The following HERC4 variants were observed in gnomAD, a reference collection of about 807,000 sequenced individuals.
The protein encoded by HERC4 is HECT and RLD domain containing E3 ubiquitin protein ligase 4, also known as probable E3 ubiquitin-protein ligase HERC4.
Under a neutral mutation model 124.3 loss-of-function variants are expected in HERC4, and 28 were observed. The ratio of observed to expected loss-of-function variants is 0.23; its 90% confidence interval spans 0.17 to 0.31. The LOEUF is 0.31. Among genes scored for constraint, HERC4 ranks in the 10% least tolerant of loss-of-function variants. HERC4 has a pLI of 1.00. For missense variants in HERC4, 713 were observed against 1,229.3 expected, an observed-to-expected ratio of 0.58 and a Z score of 6.28; for synonymous variants, 407 against 421.5, an observed-to-expected ratio of 0.97 and a Z score of 0.42.
chr10:67,974,247 T>C (rs994579795), intron 15 of HERC4, among the ~76,000 whole-genome samples: 1 of 151,840 alleles, frequency 6.6e-6, no homozygotes, highest in Admixed American at 6.6e-5. Context: ...AGGAGACAAC[T>C]ATAAGCTGTG....
chr10:67,968,625 T>C (rs2035042781), intron 15 of HERC4, among the ~76,000 whole-genome samples: 1 of 152,106 alleles, frequency 6.6e-6, no homozygotes, highest in Non-Finnish European at 1.5e-5. Flanking sequence ...TCTGCCCACC[T>C]TGGCCTCCCA....
In HERC4 at chr10:68,034,155, T is replaced by C. The variant is rs1211528378; in HGVS notation, c.495A>G (p.Lys165=). The C allele has an allele frequency of 6.2e-7, 1 of 1,614,002 alleles. No individual in the cohort carries two copies. Among genetic ancestry groups the C allele is most frequent in the East Asian group, 2.2e-5 (1 of 44,878 alleles). Reference sequence around the variant, plus strand: ...CAGTACCTAAACCCAATTGGCCATATTTATTCTGTCCCCAACAGAAGACTT... The same window carrying C: ...CAGTACCTAAACCCAATTGGCCATACTTATTCTGTCCCCAACAGAAGACTT... The part of the protein sequence containing the change: ...ASEVFCWGQN[K]YGQLGLGTDC... Residue 165 remains lysine (K), a synonymous_variant, in exon 6 of 25, where the codon AAA becomes AAG. Coordinates refer to ENST00000373700, the MANE Select transcript of HERC4 (RefSeq NM_015601.4).
chr10:67,960,416 G>A (rs895138918), intron 16 of HERC4, among the ~76,000 whole-genome samples: 5 of 151,838 alleles, frequency 3.3e-5, no homozygotes, highest in Middle Eastern at 3.4e-3. Context: ...ACGGAGCTTC[G>A]ATCTTGTTGC....
chr10:68,009,625 T>C (rs1436695551), intron 9 of HERC4, among the ~76,000 whole-genome samples: 3 of 152,080 alleles, frequency 2.0e-5, no homozygotes, highest in Admixed American at 6.6e-5. Flanking sequence ...AAGGCTGGGG[T>C]AGCTGTGGCA....
intron 15 of HERC4, among the ~76,000 whole-genome samples, chr10:67,972,577 AAAT>A (rs1217928542): frequency 6.6e-6 from 1 of 151,738 alleles, no homozygotes; most frequent in East Asian, 1.9e-4. Flanking sequence ...TACTAGCAAC[AAAT>A]AATTGGAAAA....
chr10:67,943,766 C>G (rs2033107805), intron 19 of HERC4, among the ~76,000 whole-genome samples: 1 of 152,144 alleles, frequency 6.6e-6, no homozygotes, highest in African/African-American at 2.4e-5. Flanking sequence ...ACACAGACAC[C>G]CAGGGTTACA....
chr10:67,922,396 T>TTATA lies in HERC4; in HGVS notation c.*534_*535insTATA, dbSNP rs2030307944. 1 of 152,172 alleles carries TTATA rather than the reference T, an allele frequency of 6.6e-6. No homozygotes were observed. The highest frequency in any genetic ancestry group is 1.5e-5 in the Non-Finnish European group (1 of 68,016). 9.4% of individuals were successfully genotyped at this position (152,172 alleles called of 1,614,324 possible). ...TTCCACCATGCTACCTTTTTTTTCT[T>TTATA]TTTATAGAGTCTCAGAGTAAGATTT... On this transcript the variant is annotated 3_prime_UTR_variant, in exon 25 of 25. Coordinates refer to ENST00000373700, the MANE Select transcript of HERC4 (RefSeq NM_015601.4).
At chr10:68,069,735 C>A in intron 3 of HERC4, 2 of 985,448 alleles carry the variant, frequency 2.0e-6, no homozygotes, top group Non-Finnish European at 2.4e-6. Flanking sequence ...TGCTTTCTGA[C>A]ACAAGTTTAA....
intron 4 of HERC4, chr10:68,039,329 AAAAAAG>A: frequency 1.4e-6 from 2 of 1,475,436 alleles, no homozygotes; most frequent in Middle Eastern, 1.9e-4. Flanking sequence ...AAAAAAAAAA[AAAAAAG>A]AAAGAAAGAA....
In HERC4 at chr10:67,936,238, A is replaced by G. The variant is rs776710805; in HGVS notation, c.2572-3T>C. 1.5e-5 allele frequency: 24 copies of G among 1,560,216 alleles called. No homozygotes were observed. In the South Asian group the frequency reaches 2.7e-4, roughly 17 times the overall value. ...GCACCAAAGTTTTCAACTGTGATCT[A>G]TTAATTTAAATTTTTAAAAAAAGTC... On this transcript the variant is annotated splice_region_variant and splice_polypyrimidine_tract_variant and intron_variant, in intron 21 of 24. Coordinates refer to ENST00000373700, the MANE Select transcript of HERC4 (RefSeq NM_015601.4).
In HERC4 at chr10:67,993,728, A is replaced by T. The variant is rs908279911; in HGVS notation, c.1070-1046T>A. On this transcript the variant is annotated intron_variant, in intron 9 of 24. Coordinates refer to ENST00000373700, the MANE Select transcript of HERC4 (RefSeq NM_015601.4). ...TAATAAGCAAATTTATTAGGAATAA[A>T]GAAAGGGCAACAAAGTTTCTTTTGA... is the stretch of plus-strand genomic sequence containing the variant. 2.0e-5 allele frequency: 3 copies of T among 152,204 alleles called. No individual in the cohort carries two copies. The East Asian group carries it at 5.8e-4, about 29-fold the overall frequency. 9.4% of individuals were successfully genotyped at this position (152,204 alleles called of 1,614,324 possible). A position where few individuals can be genotyped will look rare whatever the true frequency, so the allele number is the denominator to read the frequency against.
At chr10:67,941,949 C>G (rs1215921866) in intron 19 of HERC4, among the ~76,000 whole-genome samples, 1 of 152,054 alleles carries the variant, frequency 6.6e-6, no homozygotes, top group Non-Finnish European at 1.5e-5. Context: ...AGCCACCGTG[C>G]CTGGCCAAAA....
At chr10:68,024,446 T>G (rs191935672) in intron 8 of HERC4, among the ~76,000 whole-genome samples, 2 of 152,114 alleles carry the variant, frequency 1.3e-5, no homozygotes, top group African/African-American at 4.8e-5. Flanking sequence ...TACCATATAA[T>G]AAAAGTGCAA....
At chr10:68,055,074 C>T (rs2040486215) in intron 3 of HERC4, among the ~76,000 whole-genome samples, 1 of 152,118 alleles carries the variant, frequency 6.6e-6, no homozygotes, top group African/African-American at 2.4e-5. Flanking sequence ...ACAAGTGTGC[C>T]GCCATACCTG....
intron 19 of HERC4, among the ~76,000 whole-genome samples, chr10:67,951,554 T>C (rs1589162859): frequency 6.6e-6 from 1 of 152,218 alleles, no homozygotes; most frequent in African/African-American, 2.4e-5. Flanking sequence ...GCTTGTATCC[T>C]AAACTCCAAA....
chr10:67,992,437 C>A, intron 10 of HERC4, 114 bp from the exon 11 acceptor site: 2 of 1,378,804 alleles, frequency 1.5e-6, no homozygotes, highest in Non-Finnish European at 2.0e-6. Flanking sequence ...CTCCTGAACA[C>A]CTGAAACAAA....
intron 15 of HERC4, among the ~76,000 whole-genome samples, chr10:67,967,097 G>C (rs1186988020): frequency 6.6e-6 from 1 of 152,166 alleles, no homozygotes; most frequent in Non-Finnish European, 1.5e-5. Context: ...CTTGTGATCT[G>C]TCCACCTTGG....
chr10:67,969,435 G>T (rs2132482501), intron 15 of HERC4, among the ~76,000 whole-genome samples: 1 of 152,180 alleles, frequency 6.6e-6, no homozygotes, highest in East Asian at 1.9e-4. Context: ...GATGCCACTG[G>T]GTGCCCATGA....
chr10:68,073,165 G>A lies in HERC4; in HGVS notation c.-57C>T. On this transcript the variant is annotated 5_prime_UTR_variant, in exon 3 of 25. Transcript: ENST00000373700. ...TAAAAAATTCTCTTCTGAAACCCCGGAAAGTTGGAGGTACCCTATGTCTGA... is the reference window on the plus strand; with the variant it reads ...TAAAAAATTCTCTTCTGAAACCCCGAAAAGTTGGAGGTACCCTATGTCTGA... The A allele has an allele frequency of 7.2e-7, 1 of 1,392,686 alleles. No individual in the cohort carries two copies. 86.3% of individuals were successfully genotyped at this position (1,392,686 alleles called of 1,614,324 possible). A position where few individuals can be genotyped will look rare whatever the true frequency, so the allele number is the denominator to read the frequency against.
Sources: gnomAD v4.1 joint callset for allele counts (sites outside exome capture counted in the v4.1 genomes callset) on GRCh38, gnomAD v4.1.1 for gene constraint, MANE v1.5 for transcripts, NCBI Gene and HGNC (gene_info 2026-07-23, HGNC 2026-07-21) for gene names.